The following WIPF3 variants were observed in gnomAD, a reference collection of about 807,000 sequenced individuals.
WIPF3 encodes WAS/WASL interacting protein family member 3.
WIPF3 carries 33 observed loss-of-function variants against 38.9 expected under a neutral mutation model. That is an observed-to-expected ratio of 0.85 (90% CI 0.64 to 1.14). The LOEUF is 1.14. Ranked by LOEUF, WIPF3 falls within the 50% of genes most tolerant of loss-of-function variation. The probability of loss-of-function intolerance (pLI) is 0.00; values close to 1 mark genes in which losing one functional copy is unlikely to be tolerated. For synonymous variants in WIPF3, 324 were observed against 269.3 expected, an observed-to-expected ratio of 1.20 and a Z score of -1.99; for missense variants, 711 against 652.5, an observed-to-expected ratio of 1.09 and a Z score of -0.98.
chr7:29,822,788 T>A (rs1784561995), intron 1 of WIPF3, among the ~76,000 whole-genome samples: 1 of 152,244 alleles, frequency 6.6e-6, no homozygotes, highest in African/African-American at 2.4e-5. Context: ...ATTTTCTTTT[T>A]CTTTGTTATC....
At chr7:29,904,695 A>C in intron 8 of WIPF3, 1 of 251,546 alleles carries the variant, frequency 4.0e-6, no homozygotes, top group Non-Finnish European at 7.7e-6. Flanking sequence ...ACATGTATAA[A>C]ACATAATTCA....
intron 7 of WIPF3, among the ~76,000 whole-genome samples, chr7:29,902,783 G>C (rs1583628890): frequency 6.6e-6 from 1 of 151,912 alleles, no homozygotes; most frequent in South Asian, 2.1e-4. Context: ...GGAGGTTGCA[G>C]TGAGTTGAGA....
chr7:29,836,637 T>G (rs906593782), intron 2 of WIPF3, among the ~76,000 whole-genome samples: 1 of 152,224 alleles, frequency 6.6e-6, no homozygotes, highest in African/African-American at 2.4e-5. Context: ...GAGAACTAAA[T>G]GAAATGTGTT....
chr7:29,837,678 A>C (rs1375275030), intron 2 of WIPF3, among the ~76,000 whole-genome samples: 3 of 152,164 alleles, frequency 2.0e-5, no homozygotes, highest in African/African-American at 7.2e-5. Flanking sequence ...ATGTAGAAAA[A>C]TAATGTGTAC....
intron 2 of WIPF3, among the ~76,000 whole-genome samples, chr7:29,857,432 G>T (rs1025859311): frequency 6.6e-6 from 1 of 151,990 alleles, no homozygotes; most frequent in East Asian, 1.9e-4. Flanking sequence ...TGATTTTCCC[G>T]CAGAGTTTTC....
At chr7:29,824,350 C>G (rs1274035425) in intron 1 of WIPF3, among the ~76,000 whole-genome samples, 1 of 152,032 alleles carries the variant, frequency 6.6e-6, no homozygotes, top group Admixed American at 6.5e-5. Context: ...AGAAAATTGC[C>G]AGAGTGCTCA....
chr7:29,889,496 A>G (rs962155115), intron 7 of WIPF3, 89 bp downstream of exon 7: 42 of 943,320 alleles, frequency 4.5e-5, no homozygotes, highest in Non-Finnish European at 7.1e-5. Flanking sequence ...AGACTGTCTA[A>G]AGGATGATGT....
At chr7:29,912,893 C>T (rs1373334919) in intron 8 of WIPF3, among the ~76,000 whole-genome samples, 2 of 152,144 alleles carry the variant, frequency 1.3e-5, no homozygotes, top group Non-Finnish European at 2.9e-5. Flanking sequence ...TAGACTGGTG[C>T]TTGCCAGAGA....
chr7:29,847,888 G>A (rs1012779349), intron 2 of WIPF3, among the ~76,000 whole-genome samples: 1 of 152,152 alleles, frequency 6.6e-6, no homozygotes, highest in African/African-American at 2.4e-5. Flanking sequence ...GTTAGCCTTG[G>A]GGGAGAATGG....
intron 1 of WIPF3, among the ~76,000 whole-genome samples, chr7:29,820,053 T>A (rs1784513247): frequency 6.6e-6 from 1 of 152,024 alleles, no homozygotes; most frequent in African/African-American, 2.4e-5. Flanking sequence ...AAACCTTACT[T>A]TTTTGATCCA....
At chr7:29,864,282 T>C (rs972756727) in intron 2 of WIPF3, among the ~76,000 whole-genome samples, 4 of 152,246 alleles carry the variant, frequency 2.6e-5, no homozygotes, top group South Asian at 2.1e-4. Context: ...GATGTGATCA[T>C]GTGATTTTTC....
At chr7:29,839,095 T>C (rs931204183) in intron 2 of WIPF3, among the ~76,000 whole-genome samples, 3 of 151,092 alleles carry the variant, frequency 2.0e-5, no homozygotes, top group Non-Finnish European at 4.4e-5. Context: ...GGGAGGAGAG[T>C]GGGGGACTCA....
At chr7:29,824,426 G>A (rs745988502) in intron 1 of WIPF3, among the ~76,000 whole-genome samples, 7 of 152,206 alleles carry the variant, frequency 4.6e-5, no homozygotes, top group African/African-American at 1.7e-4. Flanking sequence ...CCCAAAGGGA[G>A]AAGAAAGCCA....
chr7:29,846,511 G>A (rs145631414), intron 2 of WIPF3, among the ~76,000 whole-genome samples: 1,954 of 152,314 alleles, frequency 0.013, 49 homozygotes, highest in African/African-American at 0.045. Flanking sequence ...CACCAGCCTG[G>A]CCAATATGGT....
At chr7:29,856,900 T>C (rs1785194700) in intron 2 of WIPF3, among the ~76,000 whole-genome samples, 1 of 152,152 alleles carries the variant, frequency 6.6e-6, no homozygotes, top group Admixed American at 6.5e-5. Flanking sequence ...CACCAGTCAA[T>C]AGGCACAAGT....
intron 2 of WIPF3, among the ~76,000 whole-genome samples, chr7:29,835,197 G>C (rs1242766752): frequency 6.6e-6 from 1 of 152,074 alleles, no homozygotes; most frequent in Admixed American, 6.5e-5. Flanking sequence ...GTGGAATTTG[G>C]ATGGTGATAA....
At chr7:29,816,358 C>G (rs1784458428) in intron 1 of WIPF3, among the ~76,000 whole-genome samples, 1 of 152,112 alleles carries the variant, frequency 6.6e-6, no homozygotes, top group African/African-American at 2.4e-5. Context: ...GACAGAGTCT[C>G]TCTCTGTTGC....
At chr7:29,860,431 CTCTT>C (rs1325598457) in intron 2 of WIPF3, among the ~76,000 whole-genome samples, 3 of 152,134 alleles carry the variant, frequency 2.0e-5, no homozygotes, top group Admixed American at 1.3e-4. Context: ...CCCCCTGTCT[CTCTT>C]CCTTCCTCTC....
At chr7:29,834,911 G>A in intron 2 of WIPF3, 97 bp downstream of exon 2, 1 of 1,404,216 alleles carries the variant, frequency 7.1e-7, no homozygotes, top group African/African-American at 1.5e-5. Flanking sequence ...GCACTGCCTA[G>A]CTTCCCTGTG....
Sources: allele counts gnomAD v4.1 joint callset (sites outside exome capture counted in the v4.1 genomes callset), GRCh38; gene constraint gnomAD v4.1.1; transcripts MANE v1.5; gene names NCBI Gene and HGNC (gene_info 2026-07-23, HGNC 2026-07-21).